The following PDK1 variants were observed in gnomAD, a reference collection of about 807,000 sequenced individuals.
PDK1 encodes pyruvate dehydrogenase kinase 1, also known as [Pyruvate dehydrogenase (acetyl-transferring)] kinase isozyme 1, mitochondrial.
PDK1 carries 39 observed loss-of-function variants against 54.2 expected under a neutral mutation model. The observed-to-expected ratio is 0.72, with a 90% confidence interval of 0.56 to 0.94. The LOEUF (loss-of-function observed/expected upper bound fraction) is 0.94, where lower values mean the gene tolerates loss of function less well. Ranked by LOEUF, PDK1 falls within the 40% of genes least tolerant of loss-of-function variation. The pLI, the probability that PDK1 is intolerant of heterozygous loss-of-function variation, is 0.00. For missense variants in PDK1, 552 were observed against 566.0 expected, an observed-to-expected ratio of 0.98 and a Z score of 0.25; for synonymous variants, 221 against 207.1, an observed-to-expected ratio of 1.07 and a Z score of -0.58.
the PDK1 span, among the ~76,000 whole-genome samples, chr2:172,624,612 A>T: frequency 7.2e-5 from 11 of 152,266 alleles, no homozygotes; most frequent in South Asian, 2.3e-3. Context: ...AGATCATTTG[A>T]GTGGAGATGC....
At chr2:172,613,366 G>A (rs1234109121), downstream of PDK1, among the ~76,000 whole-genome samples, 2 of 152,220 alleles carry the variant, frequency 1.3e-5, no homozygotes, top group African/African-American at 4.8e-5. Context: ...TTCTTGAGGG[G>A]AAATTGAGCA....
chr2:172,696,868 C>CA, the PDK1 span, among the ~76,000 whole-genome samples: 1 of 152,126 alleles, frequency 6.6e-6, no homozygotes, highest in African/African-American at 2.4e-5. Flanking sequence ...AAGTGTTACA[C>CA]ACCTTTGAAT....
intron 10 of PDK1, among the ~76,000 whole-genome samples, chr2:172,594,516 T>C (rs1411645763): frequency 6.6e-6 from 1 of 152,164 alleles, no homozygotes; most frequent in Admixed American, 6.5e-5. Context: ...AGTTTACAAA[T>C]GTGTTGAGCT....
chr2:172,720,679 G>A, the PDK1 span, among the ~76,000 whole-genome samples: 1 of 152,162 alleles, frequency 6.6e-6, no homozygotes, highest in Non-Finnish European at 1.5e-5. Flanking sequence ...GTAGGATCCT[G>A]AGCCCAGGAC....
At chr2:172,609,653 C>G (rs80065148), downstream of PDK1, among the ~76,000 whole-genome samples, 3 of 152,186 alleles carry the variant, frequency 2.0e-5, no homozygotes, top group Non-Finnish European at 4.4e-5. Flanking sequence ...AACGGACATG[C>G]GTGTTTCCTT....
At chr2:172,681,467 A>C in the PDK1 span, among the ~76,000 whole-genome samples, 4 of 152,380 alleles carry the variant, frequency 2.6e-5, no homozygotes, top group African/African-American at 9.6e-5. Flanking sequence ...CATGAGATAG[A>C]AAATGAGTTA....
chr2:172,655,306 C>G, the PDK1 span, among the ~76,000 whole-genome samples: 8 of 151,604 alleles, frequency 5.3e-5, no homozygotes, highest in Non-Finnish European at 1.0e-4. Flanking sequence ...ATACAAACTC[C>G]TTAGGCAGCA....
chr2:172,704,959 C>G, the PDK1 span, among the ~76,000 whole-genome samples: 1 of 152,042 alleles, frequency 6.6e-6, no homozygotes, highest in Non-Finnish European at 1.5e-5. Context: ...AACACAAATG[C>G]CAGGATCTGC....
the PDK1 span, among the ~76,000 whole-genome samples, chr2:172,644,356 G>A: frequency 6.6e-6 from 1 of 152,208 alleles, no homozygotes; most frequent in Admixed American, 6.5e-5. Context: ...ACATGCCTGG[G>A]GCTTAAATCC....
At chr2:172,625,665 C>CT in the PDK1 span, among the ~76,000 whole-genome samples, 1 of 152,110 alleles carries the variant, frequency 6.6e-6, no homozygotes, top group African/African-American at 2.4e-5. Context: ...GGCGCCTCTG[C>CT]TATGAGCTCC....
At chr2:172,670,989 A>G in the PDK1 span, among the ~76,000 whole-genome samples, 1 of 152,102 alleles carries the variant, frequency 6.6e-6, no homozygotes, top group Non-Finnish European at 1.5e-5. Flanking sequence ...ACTTTGATCC[A>G]TAGAGATGTT....
chr2:172,695,766 G>A, the PDK1 span, among the ~76,000 whole-genome samples: 1 of 152,164 alleles, frequency 6.6e-6, no homozygotes, highest in Non-Finnish European at 1.5e-5. Context: ...AATGACAGGG[G>A]GCTCAGAGGA....
the PDK1 span, among the ~76,000 whole-genome samples, chr2:172,631,347 T>C: frequency 6.6e-6 from 1 of 152,270 alleles, no homozygotes; most frequent in Non-Finnish European, 1.5e-5. Flanking sequence ...AGTCCTCTCT[T>C]AAAGCAGATT....
the PDK1 span, among the ~76,000 whole-genome samples, chr2:172,615,114 C>A: frequency 6.6e-6 from 1 of 152,176 alleles, no homozygotes; most frequent in African/African-American, 2.4e-5. Flanking sequence ...CTGACGTGCT[C>A]CCTGCCGCAA....
chr2:172,663,589 C>A, the PDK1 span, among the ~76,000 whole-genome samples: 1 of 152,070 alleles, frequency 6.6e-6, no homozygotes, highest in Admixed American at 6.5e-5. Context: ...CCTGTGACAG[C>A]CAGGTGGGAG....
chr2:172,591,079 A>G (rs1239964111), intron 9 of PDK1, among the ~76,000 whole-genome samples: 4 of 152,176 alleles, frequency 2.6e-5, no homozygotes, highest in African/African-American at 4.8e-5. Context: ...GGGTCAGTCC[A>G]GGGGTCCTTG....
At chr2:172,699,327 C>A in the PDK1 span, among the ~76,000 whole-genome samples, 8 of 152,310 alleles carry the variant, frequency 5.3e-5, no homozygotes, top group South Asian at 2.1e-4. Flanking sequence ...TATCAGGAAA[C>A]CTCAACTGAG....
chr2:172,703,330 G>T, the PDK1 span, among the ~76,000 whole-genome samples: 2 of 152,308 alleles, frequency 1.3e-5, no homozygotes, highest in South Asian at 2.1e-4. Flanking sequence ...CCCCAGGACT[G>T]TGAGATAATA....
the PDK1 span, among the ~76,000 whole-genome samples, chr2:172,689,879 C>T: frequency 1.3e-4 from 20 of 150,326 alleles, no homozygotes; most frequent in African/African-American, 4.6e-4. Flanking sequence ...AAATGTTAGA[C>T]CTAAAACCAT....
Sources: allele counts gnomAD v4.1 joint callset (sites outside exome capture counted in the v4.1 genomes callset), GRCh38; gene constraint gnomAD v4.1.1; transcripts MANE v1.5; gene names NCBI Gene and HGNC (gene_info 2026-07-23, HGNC 2026-07-21).